Variants in NAA11 observed in about 807,000 individuals in gnomAD.
NAA11 encodes N-alpha-acetyltransferase 11.
NAA11 carries 15 observed loss-of-function variants against 16.1 expected under a neutral mutation model. The observed-to-expected ratio is 0.93, with a 90% CI of 0.62 to 1.44. The LOEUF (loss-of-function observed/expected upper bound fraction) is 1.44. NAA11 is among the 40% of genes most tolerant of loss of function. NAA11 has a pLI of 0.00. For missense variants in NAA11, 298 were observed against 291.3 expected (o/e 1.02, Z -0.17); for synonymous variants, 122 against 112.4 (o/e 1.09, Z -0.54).
the NAA11 span, among the ~76,000 whole-genome samples, chr4:79,157,279 A>C: frequency 6.6e-6 from 1 of 151,956 alleles, no homozygotes; most frequent in Non-Finnish European, 1.5e-5. Flanking sequence ...TAAGTCCCCA[A>C]AGTCCATTGT....
At chr4:79,319,117 T>C (rs1724016965) in intron 1 of NAA11, among the ~76,000 whole-genome samples, 1 of 152,148 alleles carries the variant, frequency 6.6e-6, no homozygotes, top group Non-Finnish European at 1.5e-5. Context: ...TTGTAGAGAC[T>C]AGGTCTTGCT....
At chr4:79,202,657 A>ATAT in the NAA11 span, among the ~76,000 whole-genome samples, 9 of 127,554 alleles carry the variant, frequency 7.1e-5, no homozygotes, top group Non-Finnish European at 1.0e-4. Context: ...ATATCTGTGT[A>ATAT]ATTGTTCAGG....
the NAA11 span, among the ~76,000 whole-genome samples, chr4:79,219,008 T>C: frequency 2.0e-5 from 3 of 152,116 alleles, no homozygotes; most frequent in East Asian, 5.8e-4. Context: ...ATATATAACA[T>C]ATATACACAT....
chr4:79,276,123 G>A (rs1475351557), intron 2 of NAA11, among the ~76,000 whole-genome samples: 1 of 152,138 alleles, frequency 6.6e-6, no homozygotes, highest in African/African-American at 2.4e-5. Context: ...ACTGAGGCTA[G>A]AGTACTGAAT....
the NAA11 span, among the ~76,000 whole-genome samples, chr4:79,177,631 C>G: frequency 6.6e-6 from 1 of 151,866 alleles, no homozygotes; most frequent in African/African-American, 2.4e-5. Flanking sequence ...TGTACCAAGC[C>G]TAATTTTGTT....
In NAA11 at chr4:79,325,372, T is replaced by A. The variant is rs954145586; in HGVS notation, c.506A>T (p.Tyr169Phe). ...GTTCTCCCTGGAGCCCAGGACCACA[T>A]ACCCGCCCTTCTTCAGGTCCATTTG... ...RRQMDLKKGG[Y>F]VVLGSRENQE... The change falls in exon 1 of 2, where the codon TAT becomes TTT. Residue 169 changes from tyrosine (Y) to phenylalanine (F), a missense_variant. Tyr to Phe is a conservative substitution (Grantham distance 22). Coordinates refer to ENST00000286794, the MANE Select transcript of NAA11 (RefSeq NM_032693.3). 21 of 1,613,926 alleles carry A rather than the reference T, an allele frequency of 1.3e-5. No individual in the cohort carries two copies. The highest frequency in any genetic ancestry group is 8.3e-5 in the Admixed American group (5 of 60,008).
the NAA11 span, among the ~76,000 whole-genome samples, chr4:79,159,689 A>C: frequency 2.6e-5 from 4 of 152,314 alleles, no homozygotes; most frequent in South Asian, 2.1e-4. Context: ...CAACCTAATA[A>C]TTAGAAGTCA....
chr4:79,244,655 G>A (rs1258270121), intron 2 of NAA11: 2 of 13,246 alleles, frequency 1.5e-4, no homozygotes, highest in Non-Finnish European at 3.6e-4. Context: ...TCCGTCTCCC[G>A]CTTTCCACGG....
At chr4:79,298,641 C>G (rs530376160) in intron 1 of NAA11, among the ~76,000 whole-genome samples, 2 of 152,366 alleles carry the variant, frequency 1.3e-5, no homozygotes, top group East Asian at 1.9e-4. Context: ...CCAGACCCCA[C>G]ACTCACTCAC....
chr4:79,219,077 T>C, the NAA11 span, among the ~76,000 whole-genome samples: 1 of 152,292 alleles, frequency 6.6e-6, no homozygotes, highest in East Asian at 1.9e-4. Context: ...GCCCTTTTAC[T>C]TTTTTAAGTC....
In NAA11 at chr4:79,234,979, T is replaced by C. The variant is rs184253837; in HGVS notation, c.*123-8709A>G. On this transcript the variant is annotated intron_variant and NMD_transcript_variant, in intron 2 of 2. Coordinates refer to the NAA11 transcript ENST00000511542. The stretch of plus-strand genomic sequence containing the variant: ...TTGTGAGACAGTTTGTAACTATCTA[T>C]ATGAAGAGTCCTTCTTAATTAGTTA... Among the ~76,000 whole-genome samples the C allele has an allele frequency of 4.6e-3, 694 of 152,212 alleles. 3 individuals are homozygous for C. The highest frequency in any genetic ancestry group is 7.6e-3 in the Non-Finnish European group (517 of 67,986).
chr4:79,314,108 A>C (rs919477067), downstream of NAA11, among the ~76,000 whole-genome samples: 1 of 152,200 alleles, frequency 6.6e-6, no homozygotes, highest in Non-Finnish European at 1.5e-5. Context: ...ACATGATCTC[A>C]CATTTATGTA....
At chr4:79,205,918 G>T in the NAA11 span, among the ~76,000 whole-genome samples, 6 of 150,208 alleles carry the variant, frequency 4.0e-5, no homozygotes, top group Non-Finnish European at 8.9e-5. Context: ...TAAGCTAATT[G>T]TAGGTATTTG....
intron 1 of NAA11, among the ~76,000 whole-genome samples, chr4:79,324,166 T>C (rs1273586946): frequency 3.3e-5 from 5 of 152,212 alleles, no homozygotes. Flanking sequence ...TCTTTCAATC[T>C]TTTTCTTCTT....
intron 2 of NAA11, among the ~76,000 whole-genome samples, chr4:79,232,493 A>G (rs189926116): frequency 1.1e-4 from 17 of 152,068 alleles, no homozygotes; most frequent in Admixed American, 9.8e-4. Context: ...CCACATGTTA[A>G]AAACAATAGT....
At chr4:79,320,287 T>A (rs1364641122) in intron 1 of NAA11, among the ~76,000 whole-genome samples, 1 of 152,118 alleles carries the variant, frequency 6.6e-6, no homozygotes, top group Non-Finnish European at 1.5e-5. Flanking sequence ...GATTGCAAAC[T>A]GTTGCTGCTC....
chr4:79,289,589 C>A (rs568431861), intron 2 of NAA11, among the ~76,000 whole-genome samples: 21 of 152,238 alleles, frequency 1.4e-4, no homozygotes, highest in Middle Eastern at 3.4e-3. Flanking sequence ...AAAGCCAGAA[C>A]TCAGACAATT....
chr4:79,297,312 C>T (rs776772790), intron 1 of NAA11, among the ~76,000 whole-genome samples: 1 of 152,140 alleles, frequency 6.6e-6, no homozygotes, highest in Non-Finnish European at 1.5e-5. Context: ...GGATGGGGAG[C>T]AGTGTGGTCA....
intron 2 of NAA11, among the ~76,000 whole-genome samples, chr4:79,280,320 G>C (rs947133984): frequency 6.6e-6 from 1 of 151,986 alleles, no homozygotes; most frequent in Non-Finnish European, 1.5e-5. Flanking sequence ...GTGCCCTCCC[G>C]TAACTAAAGA....
Sources: allele counts gnomAD v4.1 joint callset (sites outside exome capture counted in the v4.1 genomes callset), GRCh38; gene constraint gnomAD v4.1.1; transcripts MANE v1.5; gene names NCBI Gene and HGNC (gene_info 2026-07-23, HGNC 2026-07-21).